Variants in PIGN observed in about 807,000 individuals in gnomAD.
PIGN encodes GPI ethanolamine phosphate transferase 1.
Under a neutral mutation model 125.4 loss-of-function variants are expected in PIGN, and 117 were observed. The observed-to-expected ratio is 0.93, with a 90% CI of 0.80 to 1.09. The LOEUF is 1.09. Ranked by LOEUF, PIGN falls within the 50% of genes least tolerant of loss-of-function variation. The pLI is 0.00. For synonymous variants in PIGN, 392 were observed against 377.8 expected (o/e 1.04, Z -0.44); for missense variants, 1,075 against 1,094.9 (o/e 0.98, Z 0.26).
chr18:62,109,981 A>G lies in PIGN; in HGVS notation c.1435-8T>C. 1 of 1,613,080 alleles carries G rather than the reference A, an allele frequency of 6.2e-7. No homozygotes were observed. The highest frequency in any genetic ancestry group is 8.5e-7 in the Non-Finnish European group (1 of 1,179,332). On this transcript the variant is annotated splice_region_variant and splice_polypyrimidine_tract_variant and intron_variant, in intron 16 of 30. Coordinates refer to ENST00000640252, the MANE Select transcript of PIGN (RefSeq NM_176787.5). The stretch of plus-strand genomic sequence containing the variant: ...CAGGAGATGGCTTGGTTTCTGAAAA[A>G]TCAAACAAAACATTGAAACACTTCC...
Position 62,173,000 on chromosome 18 carries a change from G to C in PIGN, c.-235-9344C>G, listed in dbSNP as rs143147786. 1.5e-3 allele frequency among the ~76,000 whole-genome samples: 232 copies of C among 152,222 alleles called. 1 individual carries two copies. Among genetic ancestry groups the C allele is most frequent in the African/African-American group, 5.2e-3 (216 of 41,538 alleles). ...ATATTAGCAATACTAAAAATAACTA[G>C]ATTGTGAAGCAACCCAACTCATATT... On this transcript the variant is annotated intron_variant, in intron 1 of 30. Transcript: ENST00000640252.
At chr18:62,161,011 C>T in intron 4 of PIGN, 122 bp downstream of exon 4, 1 of 609,848 alleles carries the variant, frequency 1.6e-6, no homozygotes, top group Non-Finnish European at 2.9e-6. Context: ...GTACAAGTGC[C>T]CTATTCTCTT....
intron 14 of PIGN, among the ~76,000 whole-genome samples, chr18:62,127,832 T>A (rs1301660337): frequency 6.6e-6 from 1 of 152,020 alleles, no homozygotes; most frequent in East Asian, 1.9e-4. Flanking sequence ...CTGGGACCTA[T>A]ATCCTGTGGC....
At position 62,161,357 on chromosome 18, in the gene PIGN, C is replaced by T. The variant is rs749229441; in HGVS notation, c.-4G>A. ...CCAAAGTAAAGAACAGCAGCATATC[C>T]AGTGTAACTAATTAGTCTTCAAGAA... On this transcript the variant is annotated 5_prime_UTR_variant, in exon 4 of 31. Coordinates refer to ENST00000640252, the MANE Select transcript of PIGN (RefSeq NM_176787.5). 11 of 1,599,360 alleles carry T rather than the reference C, an allele frequency of 6.9e-6. No homozygotes were observed. In the South Asian group the frequency reaches 1.2e-4, roughly 18 times the overall value.
chr18:62,050,307 C>T lies in PIGN; in HGVS notation c.2673-4328G>A, dbSNP rs1298932025. ...ACCTTGGGCAGTATGGCCATTTTCA[C>T]GATATTGATTCTTCCTACCCATGAG... On this transcript the variant is annotated intron_variant, in intron 30 of 30. Transcript: ENST00000640252. 3.9e-4 allele frequency among the ~76,000 whole-genome samples: 60 copies of T among 152,034 alleles called. No individual in the cohort carries two copies. In the East Asian group the frequency reaches 9.9e-3, roughly 25 times the overall value.
intron 22 of PIGN, 126 bp from the exon 23 acceptor site, chr18:62,096,076 C>A: frequency 1.9e-6 from 1 of 519,156 alleles, no homozygotes; most frequent in South Asian, 3.3e-5. Context: ...GGGCAGATCA[C>A]CTGAGGTCAG....
intron 16 of PIGN, among the ~76,000 whole-genome samples, chr18:62,112,155 C>T (rs17642045): frequency 0.17 from 25,973 of 152,088 alleles, 2,948 homozygotes; most frequent in Middle Eastern, 0.29. Context: ...TGCCTAGATA[C>T]AATTCCCATT....
intron 30 of PIGN, among the ~76,000 whole-genome samples, chr18:62,063,652 T>C (rs1281703562): frequency 1.3e-5 from 2 of 149,188 alleles, no homozygotes; most frequent in Non-Finnish European, 1.5e-5. Context: ...TGCCAAAAGG[T>C]ATAATTTCAA....
chr18:62,117,924 TGCAATATACAAGAC>T (rs1269325958), intron 14 of PIGN, among the ~76,000 whole-genome samples: 1 of 152,112 alleles, frequency 6.6e-6, no homozygotes, highest in Non-Finnish European at 1.5e-5. Flanking sequence ...TGAATAATAT[TGCAATATACAAGAC>T]GCATCATGTA....
At chr18:62,171,430 C>T (rs1019716682) in intron 1 of PIGN, among the ~76,000 whole-genome samples, 2 of 152,050 alleles carry the variant, frequency 1.3e-5, no homozygotes, top group African/African-American at 2.4e-5. Flanking sequence ...GACAATTGTA[C>T]TTCTTGTCAA....
intron 1 of PIGN, among the ~76,000 whole-genome samples, chr18:62,180,293 C>T (rs1599704143): frequency 3.3e-5 from 5 of 152,136 alleles, no homozygotes; most frequent in South Asian, 2.1e-4. Context: ...TGTGTATCCA[C>T]GCATCAATAT....
intron 16 of PIGN, chr18:62,112,868 C>G: frequency 2.5e-6 from 1 of 397,376 alleles, no homozygotes; most frequent in Non-Finnish European, 4.4e-6. Context: ...AAGGTCGACA[C>G]CATTGATAAC....
downstream of PIGN, among the ~76,000 whole-genome samples, chr18:62,037,767 A>G (rs527865952): frequency 6.6e-6 from 1 of 152,270 alleles, no homozygotes; most frequent in South Asian, 2.1e-4. Context: ...GCTGAAGAAA[A>G]ACCAAACTTG....
intron 24 of PIGN, among the ~76,000 whole-genome samples, chr18:62,089,301 A>G (rs547985874): frequency 1.3e-5 from 2 of 152,182 alleles, no homozygotes; most frequent in African/African-American, 4.8e-5. Context: ...TTCTTTCTAT[A>G]AAAAAGCAAC....
intron 23 of PIGN, among the ~76,000 whole-genome samples, chr18:62,027,738 C>T (rs1275836623): frequency 6.6e-6 from 1 of 152,082 alleles, no homozygotes; most frequent in Non-Finnish European, 1.5e-5. Flanking sequence ...ATTTATTTTC[C>T]TTTCACAATA....
chr18:62,107,203 A>C (rs2034681276), intron 17 of PIGN, 118 bp from the exon 18 acceptor site: 1 of 685,260 alleles, frequency 1.5e-6, no homozygotes, highest in Non-Finnish European at 2.6e-6. Flanking sequence ...TTATTCAAAA[A>C]CTAAAATAAG....
intron 14 of PIGN, among the ~76,000 whole-genome samples, chr18:62,114,891 T>C (rs1400774230): frequency 6.6e-6 from 1 of 152,210 alleles, no homozygotes; most frequent in Non-Finnish European, 1.5e-5. Context: ...TAATCCATCA[T>C]TCTGAAGAAA....
At chr18:62,119,001 A>T (rs929483034) in intron 14 of PIGN, among the ~76,000 whole-genome samples, 3 of 152,122 alleles carry the variant, frequency 2.0e-5, no homozygotes, top group Admixed American at 6.6e-5. Flanking sequence ...TGTACAAGAG[A>T]CAAAAATTGG....
chr18:62,021,492 C>A (rs2030054463), intron 23 of PIGN, among the ~76,000 whole-genome samples: 1 of 152,224 alleles, frequency 6.6e-6, no homozygotes, highest in South Asian at 2.1e-4. Flanking sequence ...TGCAGTCCCA[C>A]TGGGTGACAT....
Sources: gnomAD v4.1 joint callset for allele counts (sites outside exome capture counted in the v4.1 genomes callset) on GRCh38, gnomAD v4.1.1 for gene constraint, MANE v1.5 for transcripts, NCBI Gene and HGNC (gene_info 2026-07-23, HGNC 2026-07-21) for gene names.